Variants in RELN observed in about 807,000 individuals in gnomAD.
RELN encodes the protein reelin.
In RELN, 108 loss-of-function variants were observed where a neutral mutation model predicts 427.6. That is an observed-to-expected ratio of 0.25 (90% CI 0.22 to 0.30). The LOEUF is 0.30. Among genes scored for constraint, RELN ranks in the 10% least tolerant of loss-of-function variants. The pLI, the probability that RELN is intolerant of heterozygous loss-of-function variation, is 1.00. For synonymous variants in RELN, 1,524 were observed against 1,513.4 expected, an observed-to-expected ratio of 1.01 and a Z score of -0.16; for missense variants, 3,715 against 4,302.8, an observed-to-expected ratio of 0.86 and a Z score of 3.82.
chr7:103,807,612 C>T (rs531136740), intron 3 of RELN, among the ~76,000 whole-genome samples: 2 of 152,182 alleles, frequency 1.3e-5, no homozygotes, highest in South Asian at 4.2e-4. Flanking sequence ...GGCTTCCCTT[C>T]CACCCTCCCC....
chr7:103,925,024 A>G (rs1795700722), intron 1 of RELN, among the ~76,000 whole-genome samples: 1 of 98,658 alleles, frequency 1.0e-5, no homozygotes, highest in Non-Finnish European at 2.2e-5. Context: ...ACACACACAC[A>G]CACACACACA....
At chr7:103,487,895 G>A (rs954706457) in intron 60 of RELN, among the ~76,000 whole-genome samples, 1 of 152,184 alleles carries the variant, frequency 6.6e-6, no homozygotes. Flanking sequence ...TGTAATTCCA[G>A]CACTTTGGGA....
intron 14 of RELN, 56 bp from the exon 15 acceptor site, chr7:103,651,845 C>A (rs1832922352): frequency 2.5e-6 from 4 of 1,580,888 alleles, no homozygotes; most frequent in South Asian, 1.1e-5. Context: ...GATAACAAAT[C>A]AAATGAAATT....
At chr7:103,842,343 T>G (rs980239040) in intron 2 of RELN, among the ~76,000 whole-genome samples, 2 of 152,134 alleles carry the variant, frequency 1.3e-5, no homozygotes, top group Non-Finnish European at 2.9e-5. Flanking sequence ...AAATGAATTA[T>G]AGAATTCCTT....
intron 6 of RELN, among the ~76,000 whole-genome samples, chr7:103,739,665 C>A (rs1431836591): frequency 6.6e-6 from 1 of 152,200 alleles, no homozygotes; most frequent in Admixed American, 6.5e-5. Context: ...GATTTTGTTA[C>A]TCTCTTCACT....
At chr7:103,794,501 T>TCCAGTCC (rs1450736248) in intron 3 of RELN, among the ~76,000 whole-genome samples, 2 of 152,176 alleles carry the variant, frequency 1.3e-5, no homozygotes, top group African/African-American at 2.4e-5. Context: ...TTTTTCACTT[T>TCCAGTCC]CCTTGGTAGA....
chr7:103,654,536 AT>A (rs1009456288), intron 12 of RELN, among the ~76,000 whole-genome samples: 1 of 151,990 alleles, frequency 6.6e-6, no homozygotes, highest in Non-Finnish European at 1.5e-5. Context: ...ATAAACTGTT[AT>A]TTCCTTAATT....
intron 4 of RELN, among the ~76,000 whole-genome samples, chr7:103,764,822 T>TGA (rs1267849807): frequency 1.2e-4 from 14 of 120,550 alleles, no homozygotes; most frequent in Non-Finnish European, 2.1e-4. Flanking sequence ...GTGACAAGAG[T>TGA]GAGACTCCTC....
At chr7:103,773,316 C>T (rs1791641532) in intron 4 of RELN, among the ~76,000 whole-genome samples, 2 of 53,280 alleles carry the variant, frequency 3.8e-5, no homozygotes, top group Non-Finnish European at 6.2e-5. Flanking sequence ...TCCCTCGCTC[C>T]CTCCGTCTCT....
chr7:103,497,226 T>C (rs1485251471), intron 55 of RELN, among the ~76,000 whole-genome samples: 1 of 152,204 alleles, frequency 6.6e-6, no homozygotes, highest in Non-Finnish European at 1.5e-5. Flanking sequence ...GAAAACATCC[T>C]TCAAATACCT....
chr7:103,635,593 A>T lies in RELN; in HGVS notation c.2304-7T>A, dbSNP rs1343600472. 1 of 1,612,524 alleles carries T rather than the reference A, an allele frequency of 6.2e-7. No homozygotes were observed. The highest frequency in any genetic ancestry group is 8.5e-7 in the Non-Finnish European group (1 of 1,178,636). Reference sequence around the variant, plus strand: ...CAGTGTGAACTGGAGAAACCTAGACAGAAATTGTCTATAATTAGTGTATGC... The same window carrying T: ...CAGTGTGAACTGGAGAAACCTAGACTGAAATTGTCTATAATTAGTGTATGC... On this transcript the variant is annotated splice_region_variant and splice_polypyrimidine_tract_variant and intron_variant, in intron 18 of 64. Transcript: ENST00000428762.
intron 19 of RELN, among the ~76,000 whole-genome samples, chr7:103,632,944 T>C (rs1832503836): frequency 6.6e-6 from 1 of 152,110 alleles, no homozygotes. Context: ...AAACAAGCCC[T>C]ATAATTAAGA....
chr7:103,792,188 T>C (rs571408256), intron 3 of RELN, among the ~76,000 whole-genome samples: 1 of 152,172 alleles, frequency 6.6e-6, no homozygotes, highest in Non-Finnish European at 1.5e-5. Context: ...TGAGTTACTG[T>C]GTGACCCAGC....
intron 2 of RELN, among the ~76,000 whole-genome samples, chr7:103,895,808 T>C (rs555925014): frequency 6.6e-6 from 1 of 152,064 alleles, no homozygotes; most frequent in East Asian, 1.9e-4. Context: ...CTAGACGGCA[T>C]ACAGAAAGCA....
intron 1 of RELN, among the ~76,000 whole-genome samples, chr7:103,980,122 T>A (rs1025805577): frequency 6.7e-6 from 1 of 150,124 alleles, no homozygotes; most frequent in Admixed American, 6.6e-5. Flanking sequence ...ATCATGCCAT[T>A]GCACTCCAGC....
chr7:103,755,752 T>C (rs1187955349), intron 4 of RELN, among the ~76,000 whole-genome samples: 11 of 134,242 alleles, frequency 8.2e-5, no homozygotes, highest in Non-Finnish European at 1.6e-5. Context: ...GGAAGCGGAC[T>C]TGCAGTGAGC....
chr7:103,920,593 T>TTTTCTTTTTTGA (rs57282777), intron 1 of RELN, among the ~76,000 whole-genome samples: 1 of 129,420 alleles, frequency 7.7e-6, no homozygotes, highest in African/African-American at 3.0e-5. Flanking sequence ...TTTTTTTTTT[T>TTTTCTTTTTTGA]GAGAGAGTCT....
intron 45 of RELN, 62 bp downstream of exon 45, chr7:103,539,016 G>A: frequency 6.3e-7 from 1 of 1,594,596 alleles, no homozygotes. Flanking sequence ...TCCTATGACA[G>A]AGGCAGCCAC....
In RELN at chr7:103,833,668, G is replaced by T; in HGVS notation, c.342C>A (p.Ile114=). 1 of 1,613,368 alleles carries T rather than the reference G, an allele frequency of 6.2e-7. No homozygotes were observed. The highest frequency in any genetic ancestry group is 8.5e-7 in the Non-Finnish European group (1 of 1,179,510). ...GGTTACCAAACTGGTGGTCAGACAT[G>T]ATCCCTAAGAGAAAGGAAGGAGAGT... is the stretch of plus-strand genomic sequence containing the variant. The part of the protein sequence containing the change: ...IGGSSAFGFG[I]MSDHQFGNQF... The change falls in exon 3 of 65, where the codon ATC becomes ATA. Residue 114 remains isoleucine (I), a synonymous_variant. Transcript: ENST00000428762.
Sources: allele counts gnomAD v4.1 joint callset (sites outside exome capture counted in the v4.1 genomes callset), GRCh38; gene constraint gnomAD v4.1.1; transcripts MANE v1.5; gene names NCBI Gene and HGNC (gene_info 2026-07-23, HGNC 2026-07-21).